NSUN3: variants seen among roughly 807,000 people sequenced by gnomAD.
NSUN3 encodes tRNA (cytosine(34)-C(5))-methyltransferase, mitochondrial.
Under a neutral mutation model 36.8 loss-of-function variants are expected in NSUN3, and 24 were observed. That is an observed-to-expected ratio of 0.65 (90% CI 0.47 to 0.92). NSUN3 has a LOEUF of 0.92. NSUN3 is among the 40% of genes least tolerant of loss of function. NSUN3 has a pLI of 0.00. For synonymous variants in NSUN3, 146 were observed against 145.2 expected (o/e 1.01, Z -0.04); for missense variants, 381 against 392.8 (o/e 0.97, Z 0.25).
intron 2 of NSUN3, among the ~76,000 whole-genome samples, chr3:94,072,698 C>G (rs1181798332): frequency 2.9e-5 from 4 of 139,104 alleles, no homozygotes; most frequent in African/African-American, 1.1e-4. Context: ...CATGAAAGAT[C>G]AAAAATTTCG....
chr3:94,071,406 G>A (rs569073097), intron 2 of NSUN3, among the ~76,000 whole-genome samples: 47 of 152,208 alleles, frequency 3.1e-4, no homozygotes, highest in Non-Finnish European at 5.1e-4. Context: ...AGAGGAAAAC[G>A]AGCAGCATAA....
At chr3:94,099,234 T>G (rs1207042479) in intron 5 of NSUN3, among the ~76,000 whole-genome samples, 2 of 152,022 alleles carry the variant, frequency 1.3e-5, no homozygotes, top group Non-Finnish European at 2.9e-5. Flanking sequence ...TAGAGTTTAG[T>G]TTTTTTTAAA....
At chr3:94,112,519 T>C (rs1327595771) in intron 5 of NSUN3, among the ~76,000 whole-genome samples, 1 of 152,186 alleles carries the variant, frequency 6.6e-6, no homozygotes, top group East Asian at 1.9e-4. Context: ...GTCTAGGTAA[T>C]CAGTAGATGG....
intron 5 of NSUN3, among the ~76,000 whole-genome samples, chr3:94,102,012 AC>A (rs1328691997): frequency 6.6e-6 from 1 of 152,122 alleles, no homozygotes; most frequent in Non-Finnish European, 1.5e-5. Flanking sequence ...AAAATGAATC[AC>A]ATTTAAAATA....
intron 1 of NSUN3, among the ~76,000 whole-genome samples, chr3:94,063,601 T>C (rs369800374): frequency 1.2e-4 from 19 of 152,144 alleles, no homozygotes; most frequent in African/African-American, 4.3e-4. Context: ...TTTTTCTTGA[T>C]GTCAGCATCC....
At position 94,126,334 on chromosome 3, in the gene NSUN3, G is replaced by A. The variant is rs759702328; in HGVS notation, c.867G>A (p.Met289Ile). The A allele has an allele frequency of 1.4e-5, 23 of 1,613,972 alleles. No homozygotes were observed. The highest frequency in any genetic ancestry group is 1.8e-5 in the Non-Finnish European group (21 of 1,180,036). Residue 289 changes from methionine to isoleucine, a missense_variant, in exon 6 of 6, where the codon ATG becomes ATA. By Grantham distance (10) the Met-to-Ile change is conservative. Coordinates refer to ENST00000314622, the MANE Select transcript of NSUN3 (RefSeq NM_022072.5). ...ILNSHGNIMP[M>I]DIKGIARTCS... Reference sequence around the variant, plus strand: ...ACTCCCACGGTAACATCATGCCTATGGACATTAAAGGAATAGCAAGGACTT... The same window carrying A: ...ACTCCCACGGTAACATCATGCCTATAGACATTAAAGGAATAGCAAGGACTT...
At chr3:94,070,014 AATTTTTCTTTTGTTTCTTAGGAATTT>A (rs1199378423) in intron 2 of NSUN3, among the ~76,000 whole-genome samples, 2 of 151,600 alleles carry the variant, frequency 1.3e-5, no homozygotes, top group African/African-American at 2.4e-5. Flanking sequence ...GTTTCTTAGG[AATTTTTCTTTTGTTTCTTAGGAATTT>A]ATTTTTCTTT....
chr3:94,083,689 G>A (rs1450118641), intron 2 of NSUN3, among the ~76,000 whole-genome samples: 1 of 152,072 alleles, frequency 6.6e-6, no homozygotes, highest in Admixed American at 6.6e-5. Flanking sequence ...AAAATGTGGG[G>A]GTTTGCAAAG....
At chr3:94,122,167 A>C (rs980560010) in intron 5 of NSUN3, among the ~76,000 whole-genome samples, 3 of 151,942 alleles carry the variant, frequency 2.0e-5, no homozygotes, top group Admixed American at 2.0e-4. Context: ...AAAAAAAAAA[A>C]AAAACAATTT....
intron 3 of NSUN3, among the ~76,000 whole-genome samples, chr3:94,087,937 G>A (rs1452747945): frequency 6.6e-6 from 1 of 152,148 alleles, no homozygotes; most frequent in Non-Finnish European, 1.5e-5. Flanking sequence ...CCAAAATGCT[G>A]GGATTACAGA....
intron 5 of NSUN3, among the ~76,000 whole-genome samples, chr3:94,107,974 C>CTTTTT (rs11437686): frequency 2.6e-5 from 3 of 114,456 alleles, no homozygotes; most frequent in Non-Finnish European, 3.4e-5. Flanking sequence ...TTTTTTTTTC[C>CTTTTT]TTTTTTTTTT....
At chr3:94,110,695 T>C (rs977051373) in intron 5 of NSUN3, among the ~76,000 whole-genome samples, 6 of 151,932 alleles carry the variant, frequency 3.9e-5, no homozygotes, top group African/African-American at 1.5e-4. Context: ...ACTGACTATA[T>C]TAGAGTTCTC....
At chr3:94,091,279 A>G (rs774125496) in intron 3 of NSUN3, among the ~76,000 whole-genome samples, 2 of 152,230 alleles carry the variant, frequency 1.3e-5, no homozygotes, top group Non-Finnish European at 2.9e-5. Flanking sequence ...AATATAAAAG[A>G]TGACTATCAA....
In NSUN3 at chr3:94,128,689, C is replaced by CT. The variant is rs1259822952; in HGVS notation, c.*2200dup. 2 of 151,628 alleles carry CT rather than the reference C, an allele frequency of 1.3e-5. No homozygotes were observed. Among genetic ancestry groups the CT allele is most frequent in the African/African-American group, 2.4e-5 (1 of 41,278 alleles). 9.4% of individuals were successfully genotyped at this position (151,628 alleles called of 1,614,324 possible). On this transcript the variant is annotated 3_prime_UTR_variant, in exon 6 of 6. Coordinates refer to ENST00000314622, the MANE Select transcript of NSUN3 (RefSeq NM_022072.5). ...AAGAGCTTCTGCACAGCAAACTAAA[C>CT]TATCAACAGAGTAGCAGACAACTTA... is the stretch of plus-strand genomic sequence containing the variant.
intron 1 of NSUN3, among the ~76,000 whole-genome samples, chr3:94,063,625 A>G (rs1259205326): frequency 1.3e-5 from 2 of 151,952 alleles, no homozygotes; most frequent in Non-Finnish European, 2.9e-5. Flanking sequence ...GTGACTTTTT[A>G]GTTTTGTTTA....
chr3:94,083,002 T>C (rs2077276509), intron 2 of NSUN3, among the ~76,000 whole-genome samples: 1 of 152,134 alleles, frequency 6.6e-6, no homozygotes, highest in Non-Finnish European at 1.5e-5. Context: ...CTAATATTAA[T>C]AGTCTCTAGG....
At chr3:94,076,516 G>T (rs1014671948) in intron 2 of NSUN3, 11 of 789,204 alleles carry the variant, frequency 1.4e-5, no homozygotes, top group Admixed American at 1.0e-4. Flanking sequence ...CTGTAAAGAT[G>T]GTCTTTGCAT....
chr3:94,063,880 C>CA (rs1206414530), intron 1 of NSUN3: 1 of 152,996 alleles, frequency 6.5e-6, no homozygotes, highest in East Asian at 1.9e-4. Flanking sequence ...CTCGTCCCTG[C>CA]AAAGCATGAG....
chr3:94,116,031 T>C lies in NSUN3; in HGVS notation c.744-10180T>C, dbSNP rs574804156. Among the ~76,000 whole-genome samples the C allele has an allele frequency of 3.2e-4, 49 of 152,294 alleles. 1 individual carries two copies. Among genetic ancestry groups the C allele is most frequent in the African/African-American group, 1.2e-3 (49 of 41,558 alleles). On this transcript the variant is annotated intron_variant, in intron 5 of 5. Coordinates refer to ENST00000314622, the MANE Select transcript of NSUN3 (RefSeq NM_022072.5). ...TAGGTTTTGTTTTGTTTTATTTTAG[T>C]TTTTCAAGATCATTGAACTTATGCT...
Sources: gnomAD v4.1 joint callset for allele counts (sites outside exome capture counted in the v4.1 genomes callset) on GRCh38, gnomAD v4.1.1 for gene constraint, MANE v1.5 for transcripts, NCBI Gene and HGNC (gene_info 2026-07-23, HGNC 2026-07-21) for gene names.